Variants in NDFIP1 observed in about 807,000 individuals in gnomAD.
NDFIP1 encodes NEDD4 family-interacting protein 1.
In NDFIP1, 7 loss-of-function variants were observed where a neutral mutation model predicts 28.8. The observed-to-expected ratio is 0.24, with a 90% CI of 0.14 to 0.46. The LOEUF is 0.46. NDFIP1 is among the 20% of genes least tolerant of loss of function. The pLI, the probability that NDFIP1 is intolerant of heterozygous loss-of-function variation, is 0.99. For missense variants in NDFIP1, 194 were observed against 269.1 expected (o/e 0.72, Z 1.95); for synonymous variants, 92 against 101.0 (o/e 0.91, Z 0.53).
At chr5:142,145,687 AT>A in intron 7 of NDFIP1, among the ~76,000 whole-genome samples, 1 of 152,282 alleles carries the variant, frequency 6.6e-6, no homozygotes, top group East Asian at 1.9e-4. Flanking sequence ...TAGCAGCTTG[AT>A]TGGGGCATAA....
intron 1 of NDFIP1, among the ~76,000 whole-genome samples, chr5:142,126,220 T>C (rs1414865993): frequency 2.0e-5 from 3 of 152,198 alleles, no homozygotes; most frequent in Non-Finnish European, 4.4e-5. Context: ...TGCCTTGTTT[T>C]GGTAGGATTT....
At chr5:142,144,413 G>T in intron 6 of NDFIP1, 158 bp from the exon 7 acceptor site, 1 of 592,688 alleles carries the variant, frequency 1.7e-6, no homozygotes, top group Non-Finnish European at 3.1e-6. Flanking sequence ...GGATAATTTG[G>T]TATGAAAATC....
In NDFIP1 at chr5:142,109,020, G is replaced by T. The variant is rs1364747253; in HGVS notation, c.46G>T (p.Gly16Cys). 2 of 1,437,558 alleles carry T rather than the reference G, an allele frequency of 1.4e-6. No homozygotes were observed. The highest frequency in any genetic ancestry group is 1.8e-6 in the Non-Finnish European group (2 of 1,097,350). The allele number at this position is 1,437,558 out of a possible 1,614,324, so 89.1% of individuals were successfully genotyped here. Residue 16 changes from glycine (G) to cysteine (C), a missense_variant, in exon 1 of 8, where the codon GGC becomes TGC. Gly to Cys is a radical substitution (Grantham distance 159, BLOSUM62 -3). Coordinates refer to ENST00000253814, the MANE Select transcript of NDFIP1 (RefSeq NM_030571.4). ...GCTGGCGGCGGTCGAGCCGGCCTGCGGCAGCCGGTACCAGCAGGTAAGCGG... is the reference window on the plus strand; with the variant it reads ...GCTGGCGGCGGTCGAGCCGGCCTGCTGCAGCCGGTACCAGCAGGTAAGCGG... ...AALAAVEPAC[G>C]SRYQQLQNEE...
At chr5:142,144,924 G>T (rs979630844) in intron 7 of NDFIP1, among the ~76,000 whole-genome samples, 3 of 152,320 alleles carry the variant, frequency 2.0e-5, no homozygotes, top group African/African-American at 7.2e-5. Flanking sequence ...GAAAGAGGCA[G>T]GGGTCTTAGC....
At chr5:142,123,713 AT>A (rs1757143259) in intron 1 of NDFIP1, among the ~76,000 whole-genome samples, 1 of 152,122 alleles carries the variant, frequency 6.6e-6, no homozygotes, top group South Asian at 2.1e-4. Context: ...TACAGCCATT[AT>A]TTTTAGTATT....
intron 1 of NDFIP1, among the ~76,000 whole-genome samples, chr5:142,112,042 G>T (rs1221810749): frequency 6.6e-6 from 1 of 151,224 alleles, no homozygotes; most frequent in Non-Finnish European, 1.5e-5. Flanking sequence ...ACCCCAGCCT[G>T]GGTGACAGAG....
chr5:142,144,754 G>GT, intron 7 of NDFIP1, 78 bp downstream of exon 7: 2 of 935,424 alleles, frequency 2.1e-6, no homozygotes, highest in Non-Finnish European at 3.3e-6. Context: ...TTTAGAGTAA[G>GT]TATCTGTGAT....
intron 1 of NDFIP1, among the ~76,000 whole-genome samples, chr5:142,129,051 A>G (rs147798484): frequency 6.6e-6 from 1 of 152,334 alleles, no homozygotes; most frequent in Non-Finnish European, 1.5e-5. Context: ...TGCAGGGGTA[A>G]CGTGATTACT....
At chr5:142,110,619 A>C (rs1174838578) in intron 1 of NDFIP1, among the ~76,000 whole-genome samples, 2 of 152,172 alleles carry the variant, frequency 1.3e-5, no homozygotes, top group Non-Finnish European at 2.9e-5. Context: ...AAAAAAGAGA[A>C]AAAAATCTTC....
chr5:142,112,400 GTGGTGGT>G (rs1390438806), intron 1 of NDFIP1, among the ~76,000 whole-genome samples: 1 of 151,520 alleles, frequency 6.6e-6, no homozygotes, highest in Non-Finnish European at 1.5e-5. Context: ...AAAGCACGGT[GTGGTGGT>G]GCACATCTGT....
intron 1 of NDFIP1, among the ~76,000 whole-genome samples, chr5:142,126,156 C>A (rs1264994769): frequency 6.6e-6 from 1 of 152,156 alleles, no homozygotes; most frequent in African/African-American, 2.4e-5. Flanking sequence ...AGTAAAATAG[C>A]ATACTCAGCT....
At chr5:142,116,425 G>A (rs1238357442) in intron 1 of NDFIP1, among the ~76,000 whole-genome samples, 3 of 151,034 alleles carry the variant, frequency 2.0e-5, no homozygotes, top group Non-Finnish European at 1.5e-5. Context: ...CTGGAGTGCA[G>A]TGGCGCAATC....
At position 142,122,711 on chromosome 5, in the gene NDFIP1, A is replaced by G. The variant is rs554796144; in HGVS notation, c.64-9097A>G. Among the ~76,000 whole-genome samples, 11 of 152,322 alleles carry G rather than the reference A, an allele frequency of 7.2e-5. 1 individual carries two copies. The South Asian group carries it at 2.1e-3, about 29-fold the overall frequency. ...ATCTGTGGTTTTAATTTTCATTTCT[A>G]TAATGACTAATGAAATAGAGCACCT... On this transcript the variant is annotated intron_variant, in intron 1 of 7. Transcript: ENST00000253814.
intron 1 of NDFIP1, among the ~76,000 whole-genome samples, chr5:142,118,101 GC>G (rs1274481388): frequency 4.6e-5 from 7 of 152,072 alleles, no homozygotes; most frequent in African/African-American, 1.7e-4. Context: ...CCTATGCCCA[GC>G]TTTCCCTATT....
At chr5:142,117,121 A>G (rs986339522) in intron 1 of NDFIP1, among the ~76,000 whole-genome samples, 2 of 152,166 alleles carry the variant, frequency 1.3e-5, no homozygotes, top group African/African-American at 2.4e-5. Context: ...ATTAATTAGT[A>G]CTTACCATAA....
chr5:142,150,069 T>C (rs1310039202), intron 7 of NDFIP1, among the ~76,000 whole-genome samples: 1 of 151,490 alleles, frequency 6.6e-6, no homozygotes, highest in East Asian at 1.9e-4. Flanking sequence ...TAGTCCCAGC[T>C]ACTCGGGAGG....
chr5:142,135,659 T>C, intron 3 of NDFIP1, 71 bp from the exon 4 acceptor site: 2 of 1,368,294 alleles, frequency 1.5e-6, no homozygotes, highest in Non-Finnish European at 2.1e-6. Context: ...TCCTTGCTAC[T>C]CAAATTTAAC....
At chr5:142,140,533 T>A in intron 5 of NDFIP1, 30 bp from the exon 6 acceptor site, 1 of 1,554,458 alleles carries the variant, frequency 6.4e-7, no homozygotes. Context: ...TCTGTTAAGC[T>A]GCTATAAAGT....
At position 142,132,283 on chromosome 5, in the gene NDFIP1, A is replaced by C. The variant is rs1361003625; in HGVS notation, c.223A>C (p.Ser75Arg). 6.2e-7 allele frequency: 1 copy of C among 1,614,214 alleles called. No individual in the cohort carries two copies. The highest frequency in any genetic ancestry group is 8.5e-7 in the Non-Finnish European group (1 of 1,180,014). ...TTACAATGTAGCTACAACACTGCCCAGTTATGATGAAGCGGAGAGGACCAA... is the reference window on the plus strand; with the variant it reads ...TTACAATGTAGCTACAACACTGCCCCGTTATGATGAAGCGGAGAGGACCAA... The part of the protein sequence containing the change: ...PSYNVATTLP[S>R]YDEAERTKAE... The change falls in exon 3 of 8, where the codon AGT becomes CGT. Residue 75 changes from serine (S) to arginine (R), a missense_variant. By Grantham distance (110) the Ser-to-Arg change is moderately radical. Transcript: ENST00000253814.
Sources: gnomAD v4.1 joint callset for allele counts (sites outside exome capture counted in the v4.1 genomes callset) on GRCh38, gnomAD v4.1.1 for gene constraint, MANE v1.5 for transcripts, NCBI Gene and HGNC (gene_info 2026-07-23, HGNC 2026-07-21) for gene names.